OPCML: variants seen among roughly 807,000 people sequenced by gnomAD.
OPCML encodes the protein opioid binding protein/cell adhesion molecule like.
A neutral mutation model predicts 37.8 loss-of-function variants in OPCML; 13 were observed. The ratio of observed to expected loss-of-function variants is 0.34; its 90% CI spans 0.22 to 0.55. OPCML has a LOEUF of 0.55. Among genes scored for constraint, OPCML ranks in the 20% least tolerant of loss-of-function variants. The pLI, the probability that OPCML is intolerant of heterozygous loss-of-function variation, is 0.91. For missense variants in OPCML, 341 were observed against 435.6 expected (o/e 0.78, Z 1.93); for synonymous variants, 176 against 168.8 (o/e 1.04, Z -0.33).
At chr11:133,428,778 A>G (rs958870322) in intron 1 of OPCML, among the ~76,000 whole-genome samples, 1 of 152,204 alleles carries the variant, frequency 6.6e-6, no homozygotes, top group Non-Finnish European at 1.5e-5. Context: ...ATGTCCCTGT[A>G]TTATGAAATT....
In OPCML at chr11:133,458,129, G is replaced by C. The variant is rs112456204; in HGVS notation, c.61+74135C>G. Among the ~76,000 whole-genome samples the C allele has an allele frequency of 6.0e-3, 906 of 151,266 alleles. 11 individuals carry two copies. The highest frequency in any genetic ancestry group is 0.02 in the African/African-American group (825 of 41,084). ...CCATTGCACTCCAGCCTGGGCAACA[G>C]AGCAAGACTCCATCTTGAGAAAAAA... On this transcript the variant is annotated intron_variant, in intron 1 of 7. Transcript: ENST00000524381.
intron 3 of OPCML, among the ~76,000 whole-genome samples, chr11:132,587,560 G>A (rs2096475668): frequency 6.6e-6 from 1 of 152,166 alleles, no homozygotes; most frequent in Admixed American, 6.5e-5. Context: ...AGATGTTGGA[G>A]GAGGACAAAG....
intron 1 of OPCML, among the ~76,000 whole-genome samples, chr11:133,251,408 A>G (rs773304248): frequency 2.8e-4 from 42 of 151,586 alleles, no homozygotes; most frequent in Non-Finnish European, 5.2e-4. Flanking sequence ...GCCAACAATT[A>G]TTTTCTGGAA....
At chr11:132,992,802 A>G (rs1408972686) in intron 1 of OPCML, among the ~76,000 whole-genome samples, 2 of 152,200 alleles carry the variant, frequency 1.3e-5, no homozygotes, top group Admixed American at 1.3e-4. Flanking sequence ...CCCCTTCCCC[A>G]GTACATTCAT....
At chr11:133,494,651 C>T (rs900864120) in intron 1 of OPCML, among the ~76,000 whole-genome samples, 1 of 143,600 alleles carries the variant, frequency 7.0e-6, no homozygotes, top group South Asian at 2.2e-4. Context: ...TGTTCTCACT[C>T]ATAGGTGGGA....
At chr11:132,578,965 C>CCGCT (rs2096456657) in intron 3 of OPCML, among the ~76,000 whole-genome samples, 1 of 151,914 alleles carries the variant, frequency 6.6e-6, no homozygotes, top group Admixed American at 6.6e-5. Context: ...TGCCCCTTTC[C>CCGCT]CGCTATATTG....
chr11:133,408,648 ACACT>A (rs891382025), intron 1 of OPCML, among the ~76,000 whole-genome samples: 4 of 151,954 alleles, frequency 2.6e-5, no homozygotes, highest in African/African-American at 7.2e-5. Context: ...ACTCACCCCC[ACACT>A]CACTCAGACT....
rs567432185 is a variant in OPCML, at chr11:133,174,514, A to T, written c.62-231504T>A. ...AAGGTGATTATGAACATTACGATTT[A>T]TAATAGTGGAGGACTGGAAGCAACC... On this transcript the variant is annotated intron_variant, in intron 1 of 7. Coordinates refer to ENST00000524381, the MANE Select transcript of OPCML (RefSeq NM_001012393.5). The surrounding 1 kb of genome is among the most constrained non-coding windows in gnomAD (Gnocchi z 4.6). Among the ~76,000 whole-genome samples, 1 of 152,296 alleles carries T rather than the reference A, an allele frequency of 6.6e-6. No individual in the cohort carries two copies. The highest frequency in any genetic ancestry group is 6.5e-5 in the Admixed American group (1 of 15,300).
At chr11:132,921,322 T>C (rs956695893) in intron 2 of OPCML, among the ~76,000 whole-genome samples, 1 of 152,126 alleles carries the variant, frequency 6.6e-6, no homozygotes, top group Non-Finnish European at 1.5e-5. Flanking sequence ...GTTCTTTGGT[T>C]GTCCCTTTAT....
chr11:133,326,400 G>A lies in OPCML; in HGVS notation c.61+205864C>T, dbSNP rs138781695. Among the ~76,000 whole-genome samples, 288 of 140,136 alleles carry A rather than the reference G, an allele frequency of 2.1e-3. 2 individuals carry two copies. The highest frequency in any genetic ancestry group is 7.5e-3 in the African/African-American group (280 of 37,196). The allele number at this position is 140,136 out of a possible 152,430, so 91.9% of individuals were successfully genotyped here. On this transcript the variant is annotated intron_variant, in intron 1 of 7. Coordinates refer to ENST00000524381, the MANE Select transcript of OPCML (RefSeq NM_001012393.5). Reference sequence around the variant, plus strand: ...GGGGTGTGGGTATGTATAAGTGTGTGGAAACAGTGGGTGTGGATATGCATG... The same window carrying A: ...GGGGTGTGGGTATGTATAAGTGTGTAGAAACAGTGGGTGTGGATATGCATG...
chr11:133,326,396 G>A (rs1441351403), intron 1 of OPCML, among the ~76,000 whole-genome samples: 2 of 141,510 alleles, frequency 1.4e-5, no homozygotes, highest in Non-Finnish European at 1.5e-5. Context: ...ATGTATAAGT[G>A]TGTGGAAACA....
chr11:132,489,848 ACCCCCTGACAGG>A (rs1319740162), intron 4 of OPCML, among the ~76,000 whole-genome samples: 1 of 151,360 alleles, frequency 6.6e-6, no homozygotes, highest in African/African-American at 2.4e-5. Context: ...CTAGCCCTAC[ACCCCCTGACAGG>A]CCCCACTGTG....
chr11:133,368,512 T>C (rs1944603432), intron 1 of OPCML, among the ~76,000 whole-genome samples: 1 of 152,068 alleles, frequency 6.6e-6, no homozygotes, highest in Non-Finnish European at 1.5e-5. Flanking sequence ...CCCAAGCCTA[T>C]GAGAGAATAA....
chr11:133,111,018 T>C (rs1949243901), intron 1 of OPCML, among the ~76,000 whole-genome samples: 1 of 152,208 alleles, frequency 6.6e-6, no homozygotes, highest in African/African-American at 2.4e-5. Context: ...TGAGAAAAAC[T>C]GAGATAATAA....
At chr11:132,576,464 C>T (rs2096451111) in intron 3 of OPCML, among the ~76,000 whole-genome samples, 1 of 151,604 alleles carries the variant, frequency 6.6e-6, no homozygotes, top group Non-Finnish European at 1.5e-5. Flanking sequence ...CACTCTTTAG[C>T]TTCCTAATTT....
chr11:133,372,143 G>A (rs1258619084), intron 1 of OPCML, among the ~76,000 whole-genome samples: 4 of 152,148 alleles, frequency 2.6e-5, no homozygotes, highest in Non-Finnish European at 4.4e-5. Context: ...TAGCAACAAT[G>A]CATTGTATAT....
chr11:133,007,156 C>G (rs1947129556), intron 1 of OPCML: 1 of 985,304 alleles, frequency 1.0e-6, no homozygotes. Context: ...CAGGTACATG[C>G]CCACAGATTG....
At chr11:132,932,829 C>T (rs1945253830) in intron 2 of OPCML, among the ~76,000 whole-genome samples, 1 of 151,728 alleles carries the variant, frequency 6.6e-6, no homozygotes, top group Non-Finnish European at 1.5e-5. Flanking sequence ...CATTTACTGC[C>T]TCCCATCAGC....
chr11:132,441,200 C>T (rs2096033107), intron 4 of OPCML, among the ~76,000 whole-genome samples: 1 of 71,070 alleles, frequency 1.4e-5, no homozygotes, highest in Admixed American at 1.6e-4. Flanking sequence ...CGGAGTTTCG[C>T]TCTGTCGCCC....
Sources: gnomAD v4.1 joint callset for allele counts (sites outside exome capture counted in the v4.1 genomes callset) on GRCh38, gnomAD v4.1.1 for gene constraint, Gnocchi (gnomAD v3.1) non-coding constraint, MANE v1.5 for transcripts, NCBI Gene and HGNC (gene_info 2026-07-23, HGNC 2026-07-21) for gene names.